RPL37: variants seen among roughly 807,000 people sequenced by gnomAD.
The protein encoded by RPL37 is large ribosomal subunit protein eL37.
Under a neutral mutation model 14.8 loss-of-function variants are expected in RPL37, and 1 was observed. The observed-to-expected ratio is 0.07, with a 90% CI of 0.02 to 0.32. The LOEUF (loss-of-function observed/expected upper bound fraction) is 0.32. Among genes scored for constraint, RPL37 ranks in the 10% least tolerant of loss-of-function variants. The pLI, the probability that RPL37 is intolerant of heterozygous loss-of-function variation, is 1.00. For missense variants in RPL37, 100 were observed against 128.3 expected, an observed-to-expected ratio of 0.78 and a Z score of 1.06; for synonymous variants, 53 against 45.8, an observed-to-expected ratio of 1.16 and a Z score of -0.63.
rs148478588 is a variant in RPL37 at position 40,833,713 on chromosome 5, T to C, written c.224+468A>G. On this transcript the variant is annotated intron_variant, in intron 3 of 3. Coordinates refer to ENST00000274242, the MANE Select transcript of RPL37 (RefSeq NM_000997.5). ...CACTTTGGGACCCTAGTTCAAACAA[T>C]GCTCCTGTTATTTAATTTATACTAC... 2.3e-3 allele frequency among the ~76,000 whole-genome samples: 347 copies of C among 150,354 alleles called. 2 individuals carry two copies. The highest frequency in any genetic ancestry group is 7.7e-3 in the African/African-American group (307 of 39,716).
intron 2 of RPL37, 32 bp downstream of exon 2, chr5:40,834,439 C>G (rs1485398301): frequency 5.0e-6 from 8 of 1,605,284 alleles, no homozygotes; most frequent in Non-Finnish European, 6.8e-6. Context: ...CAAACAAAAG[C>G]TAACACAGTT....
intron 1 of RPL37, 135 bp downstream of exon 1, chr5:40,835,027 AGTCATTCTTCTGGCTCTTGAG>A (rs1202729744): frequency 4.3e-6 from 4 of 934,736 alleles, no homozygotes; most frequent in Non-Finnish European, 6.6e-6. Context: ...ACCAGTTAGC[AGTCATTCTTCTGGCTCTTGAG>A]GGCCACCGCA....
chr5:40,834,154 A>T, intron 3 of RPL37, 27 bp downstream of exon 3: 1 of 1,531,124 alleles, frequency 6.5e-7, no homozygotes, highest in Non-Finnish European at 9.1e-7. Flanking sequence ...CCACTGGACC[A>T]ATTATGATCG....
intron 3 of RPL37, chr5:40,833,970 G>C: frequency 3.6e-6 from 2 of 549,586 alleles, no homozygotes; most frequent in Non-Finnish European, 6.5e-6. Flanking sequence ...CCTGAGGCTG[G>C]GGAGACTGAG....
rs954272832 is a variant in RPL37, at chr5:40,830,129, G to C, written c.*2375C>G. 6.6e-6 allele frequency: 1 copy of C among 152,132 alleles called. No homozygotes were observed. Among genetic ancestry groups the C allele is most frequent in the African/African-American group, 2.4e-5 (1 of 41,412 alleles). 9.4% of individuals were successfully genotyped at this position (152,132 alleles called of 1,614,324 possible). A position where few individuals can be genotyped will look rare whatever the true frequency, so the allele number is the denominator to read the frequency against. On this transcript the variant is annotated 3_prime_UTR_variant, in exon 4 of 4. Coordinates refer to ENST00000274242, the MANE Select transcript of RPL37 (RefSeq NM_000997.5). Reference sequence around the variant, plus strand: ...TAGGGGCTGGAGGGAGGCTTTTCAGGCAGAGGACAGAGTTGAAAAGCAGAT... The same window carrying C: ...TAGGGGCTGGAGGGAGGCTTTTCAGCCAGAGGACAGAGTTGAAAAGCAGAT...
At position 40,829,677 on chromosome 5, in the gene RPL37, G is replaced by GTGTA. The variant is rs1328855654; in HGVS notation, c.*2826_*2827insTACA. 11 of 146,382 alleles carry GTGTA rather than the reference G, an allele frequency of 7.5e-5. No homozygotes were observed. Among genetic ancestry groups the GTGTA allele is most frequent in the African/African-American group, 2.5e-4 (10 of 40,010 alleles). 9.1% of individuals were successfully genotyped at this position (146,382 alleles called of 1,614,324 possible). The stretch of plus-strand genomic sequence containing the variant: ...TCCATCATAGTGTGTGTGTGTGTGT[G>GTGTA]TATATATATATATATATATATCAAC... On this transcript the variant is annotated 3_prime_UTR_variant, in exon 4 of 4. Coordinates refer to ENST00000274242, the MANE Select transcript of RPL37 (RefSeq NM_000997.5).
chr5:40,834,224 T>C lies in RPL37; in HGVS notation c.181A>G (p.Thr61Ala). The change falls in exon 3 of 4, where the codon ACT becomes GCT. Residue 61 changes from threonine to alanine, a missense_variant. Physicochemically the swap from Thr to Ala is moderately conservative, Grantham distance 58 (BLOSUM62 0). Transcript: ENST00000274242. ...ATTTTTAGGTGCCTCATTCGACCAG[T>C]TCCGGTGGTATTTCGTCTTTTAGCC... is the stretch of plus-strand genomic sequence containing the variant. ...AKAKRRNTTG[T>A]GRMRHLKIVY... 1 of 1,614,214 alleles carries C rather than the reference T, an allele frequency of 6.2e-7. No homozygotes were observed. The highest frequency in any genetic ancestry group is 8.5e-7 in the Non-Finnish European group (1 of 1,180,022).
In RPL37 at chr5:40,830,738, G is replaced by C. The variant is rs530597860; in HGVS notation, c.*1766C>G. The C allele has an allele frequency of 2.7e-3, 411 of 151,332 alleles. No individual in the cohort carries two copies. Among genetic ancestry groups the C allele is most frequent in the African/African-American group, 9.5e-3 (392 of 41,240 alleles). The allele number at this position is 151,332 out of a possible 1,614,324, so 9.4% of individuals were successfully genotyped here. ...TCTCGATCTCTTGACCTTGTGATCC[G>C]CCCACCTCGGCCTCCCAAAGTGCCA... On this transcript the variant is annotated 3_prime_UTR_variant, in exon 4 of 4. Transcript: ENST00000274242.
At position 40,825,602 on chromosome 5, in the gene RPL37, T is replaced by C. The variant is rs942849678; in HGVS notation, c.*6902A>G. 4.6e-5 allele frequency: 7 copies of C among 152,294 alleles called. No individual in the cohort carries two copies. Among genetic ancestry groups the C allele is most frequent in the Non-Finnish European group, 7.3e-5 (5 of 68,092 alleles). The allele number at this position is 152,294 out of a possible 1,614,324, so 9.4% of individuals were successfully genotyped here. A position where few individuals can be genotyped will look rare whatever the true frequency, so the allele number is the denominator to read the frequency against. On this transcript the variant is annotated 3_prime_UTR_variant, in exon 4 of 4. Coordinates refer to ENST00000274242, the MANE Select transcript of RPL37 (RefSeq NM_000997.5). ...GCAGGGACCATAGTTTCTGCTCTAATAACACCTTTTCCACTCTGACGTAGC... is the reference window on the plus strand; with the variant it reads ...GCAGGGACCATAGTTTCTGCTCTAACAACACCTTTTCCACTCTGACGTAGC...
chr5:40,832,540 G>C lies in RPL37; in HGVS notation c.258C>G (p.Pro86=). 1 of 1,613,956 alleles carries C rather than the reference G, an allele frequency of 6.2e-7. No individual in the cohort carries two copies. Among genetic ancestry groups the C allele is most frequent in the Non-Finnish European group, 8.5e-7 (1 of 1,179,946 alleles). ...TGGATGCTGCAACAGCTGCCCTCTTGGGTTTAGGTGTTGTTCCTTCACGGA... is the reference window on the plus strand; with the variant it reads ...TGGATGCTGCAACAGCTGCCCTCTTCGGTTTAGGTGTTGTTCCTTCACGGA... ...HGFREGTTPK[P]KRAAVAASSS... Residue 86 remains proline, a synonymous_variant, in exon 4 of 4, where the codon CCC becomes CCG. Transcript: ENST00000274242.
In RPL37 at chr5:40,829,221, G is replaced by A. The variant is rs1372018210; in HGVS notation, c.*3283C>T. 6.6e-6 allele frequency: 1 copy of A among 152,178 alleles called. No individual in the cohort carries two copies. Among genetic ancestry groups the A allele is most frequent in the Middle Eastern group, 3.2e-3 (1 of 316 alleles). The allele number at this position is 152,178 out of a possible 1,614,324, so 9.4% of individuals were successfully genotyped here. On this transcript the variant is annotated 3_prime_UTR_variant, in exon 4 of 4. Transcript: ENST00000274242. ...AGCCCCACAGCCACTGCCTTAGTCT[G>A]TCATGATTTTCACATGAACTATTTA...
At position 40,826,241 on chromosome 5, in the gene RPL37, A is replaced by G. The variant is rs1373005077; in HGVS notation, c.*6263T>C. ...AGAGCTACATAAATATAACCTTATT[A>G]GAATGGGATTTTTCCTACTTTGGGT... On this transcript the variant is annotated 3_prime_UTR_variant, in exon 4 of 4. Transcript: ENST00000274242. 6.6e-6 allele frequency: 1 copy of G among 152,222 alleles called. No individual in the cohort carries two copies. Among genetic ancestry groups the G allele is most frequent in the Non-Finnish European group, 1.5e-5 (1 of 68,040 alleles). The allele number at this position is 152,222 out of a possible 1,614,324, so 9.4% of individuals were successfully genotyped here.
At position 40,832,395 on chromosome 5, in the gene RPL37, C is replaced by T. The variant is rs1745660523; in HGVS notation, c.*109G>A. On this transcript the variant is annotated 3_prime_UTR_variant, in exon 4 of 4. Coordinates refer to ENST00000274242, the MANE Select transcript of RPL37 (RefSeq NM_000997.5). ...GAAGCTAGCCCAGTCCCTAAACCTA[C>T]AGTATTTCACTGATACTACAAGCCT... 2.4e-5 allele frequency: 22 copies of T among 920,892 alleles called. No individual in the cohort carries two copies. The highest frequency in any genetic ancestry group is 3.4e-5 in the Non-Finnish European group (19 of 552,834). The allele number at this position is 920,892 out of a possible 1,614,324, so 57.0% of individuals were successfully genotyped here.
chr5:40,834,307 C>T, intron 2 of RPL37, 42 bp from the exon 3 acceptor site: 1 of 1,582,296 alleles, frequency 6.3e-7, no homozygotes, highest in Non-Finnish European at 8.7e-7. Context: ...GGTGTTCTCC[C>T]ACACACCTTG....
rs564466608 is a variant in RPL37, at chr5:40,833,409, T to C, written c.224+772A>G. On this transcript the variant is annotated intron_variant, in intron 3 of 3. Transcript: ENST00000274242. ...ATAGTTAAGTCTGCATCATTCTGAATCTTAGCTGAGATCTTAGATGGGTTA... is the reference window on the plus strand; with the variant it reads ...ATAGTTAAGTCTGCATCATTCTGAACCTTAGCTGAGATCTTAGATGGGTTA... Among the ~76,000 whole-genome samples, 11 of 152,312 alleles carry C rather than the reference T, an allele frequency of 7.2e-5. No individual in the cohort carries two copies. The South Asian group carries it at 2.1e-3, about 29-fold the overall frequency.
intron 3 of RPL37, 122 bp from the exon 4 acceptor site, chr5:40,832,695 A>G (rs185676213): frequency 1.4e-5 from 11 of 796,750 alleles, no homozygotes; most frequent in East Asian, 7.4e-5. Context: ...TACTGCATTC[A>G]TATGTTCAGA....
At chr5:40,835,133 C>A (rs1745737348) in intron 1 of RPL37, 50 bp downstream of exon 1, 1 of 1,613,536 alleles carries the variant, frequency 6.2e-7, no homozygotes, top group Non-Finnish European at 8.5e-7. Context: ...CAGAGAGGCA[C>A]AAAGGACGAG....
Position 40,827,978 on chromosome 5 carries a change from T to TA in RPL37, c.*4525dup, listed in dbSNP as rs1745554003. On this transcript the variant is annotated 3_prime_UTR_variant, in exon 4 of 4. Transcript: ENST00000274242. ...TTTGTTTAAAAAAAAATAAAACACCTAAATATAATCCAAATGTGCTAATAA... is the reference window on the plus strand; with the variant it reads ...TTTGTTTAAAAAAAAATAAAACACCTAAAATATAATCCAAATGTGCTAATAA... 6.6e-6 allele frequency: 1 copy of TA among 152,206 alleles called. No homozygotes were observed. The highest frequency in any genetic ancestry group is 6.5e-5 in the Admixed American group (1 of 15,292). 9.4% of individuals were successfully genotyped at this position (152,206 alleles called of 1,614,324 possible). A position where few individuals can be genotyped will look rare whatever the true frequency, so the allele number is the denominator to read the frequency against.
rs576689397 is a variant in RPL37, at chr5:40,831,421, A to G, written c.*1083T>C. On this transcript the variant is annotated 3_prime_UTR_variant, in exon 4 of 4. Transcript: ENST00000274242. ...TGAAGGGTAAATTAGGAGTTAAAAT[A>G]CAAGATGAGAGTAGCAATTAGCTAG... is the stretch of plus-strand genomic sequence containing the variant. 6.6e-6 allele frequency: 1 copy of G among 152,496 alleles called. No homozygotes were observed. Among genetic ancestry groups the G allele is most frequent in the African/African-American group, 2.4e-5 (1 of 41,588 alleles). The allele number at this position is 152,496 out of a possible 1,614,324, so 9.4% of individuals were successfully genotyped here.
Sources: gnomAD v4.1 joint callset for allele counts (sites outside exome capture counted in the v4.1 genomes callset) on GRCh38, gnomAD v4.1.1 for gene constraint, MANE v1.5 for transcripts, NCBI Gene and HGNC (gene_info 2026-07-23, HGNC 2026-07-21) for gene names.